Variants in FKBP5 observed in about 807,000 individuals in gnomAD.
The protein encoded by FKBP5 is peptidyl-prolyl cis-trans isomerase FKBP5.
In FKBP5, 23 loss-of-function variants were observed where a neutral mutation model predicts 50.5. The ratio of observed to expected loss-of-function variants is 0.46; its 90% CI spans 0.33 to 0.65. The LOEUF is 0.65. FKBP5 is among the 30% of genes least tolerant of loss of function. The probability of loss-of-function intolerance (pLI) is 0.02; values close to 1 mark genes in which losing one functional copy is unlikely to be tolerated. For missense variants in FKBP5, 411 were observed against 553.1 expected (o/e 0.74, Z 2.58); for synonymous variants, 176 against 190.6 (o/e 0.92, Z 0.63).
chr6:35,707,226 T>TTTC (rs1207397803), intron 2 of FKBP5, among the ~76,000 whole-genome samples: 2 of 149,386 alleles, frequency 1.3e-5, no homozygotes, highest in Non-Finnish European at 3.0e-5. Context: ...TTTTTTTTTT[T>TTTC]TTTTTTTGAG....
At chr6:35,692,442 C>T (rs1236894218), upstream of FKBP5, among the ~76,000 whole-genome samples, 3 of 152,190 alleles carry the variant, frequency 2.0e-5, no homozygotes, top group Admixed American at 2.0e-4. Flanking sequence ...CAACTACTAC[C>T]GAGCTACCTT....
At position 35,724,218 on chromosome 6, in the gene FKBP5, C is replaced by A. The variant is rs139075369; in HGVS notation, c.-240-3670G>T. Among the ~76,000 whole-genome samples the A allele has an allele frequency of 2.2e-3, 338 of 152,256 alleles. 1 individual carries two copies. The highest frequency in any genetic ancestry group is 0.01 in the Middle Eastern group (3 of 294). ...CAGAGCCCTGGAACCCAGGCTCAGC[C>A]CCTGGTTTTTGGATCCCAGAGCCAA... is the stretch of plus-strand genomic sequence containing the variant. On this transcript the variant is annotated intron_variant, in intron 1 of 11. Coordinates refer to the FKBP5 transcript ENST00000536438.
chr6:35,578,885 A>C (rs1762321046), intron 9 of FKBP5, among the ~76,000 whole-genome samples: 1 of 152,180 alleles, frequency 6.6e-6, no homozygotes. Context: ...AATGTAGTCA[A>C]GGCTGTGCTG....
At chr6:35,713,101 A>AAAAAAAG (rs1766443576) in intron 2 of FKBP5, among the ~76,000 whole-genome samples, 1 of 149,198 alleles carries the variant, frequency 6.7e-6, no homozygotes, top group African/African-American at 2.5e-5. Flanking sequence ...AAAAAAAAAA[A>AAAAAAAG]AAGAAGAAGA....
intron 2 of FKBP5, among the ~76,000 whole-genome samples, chr6:35,715,689 C>T (rs760039503): frequency 6.6e-6 from 1 of 152,174 alleles, no homozygotes; most frequent in African/African-American, 2.4e-5. Flanking sequence ...GGGCAGGCTG[C>T]GAGTTGCATG....
intron 3 of FKBP5, among the ~76,000 whole-genome samples, chr6:35,623,190 C>T (rs981397162): frequency 6.6e-6 from 1 of 152,072 alleles, no homozygotes; most frequent in African/African-American, 2.4e-5. Flanking sequence ...TTCGGTGAGC[C>T]GAGATAGCGC....
At chr6:35,725,967 A>G (rs978464879) in intron 1 of FKBP5, among the ~76,000 whole-genome samples, 117 of 152,246 alleles carry the variant, frequency 7.7e-4, no homozygotes, top group African/African-American at 2.4e-3. Flanking sequence ...GAAACCTACC[A>G]TCCCTGCTCA....
At chr6:35,697,308 G>A (rs1766097550) in intron 2 of FKBP5, among the ~76,000 whole-genome samples, 1 of 152,228 alleles carries the variant, frequency 6.6e-6, no homozygotes, top group African/African-American at 2.4e-5. Context: ...AGCACTTTGG[G>A]AGGCCGAGGC....
chr6:35,606,283 C>T (rs571747284), intron 5 of FKBP5, among the ~76,000 whole-genome samples: 91 of 152,068 alleles, frequency 6.0e-4, no homozygotes, highest in Middle Eastern at 3.4e-3. Context: ...GAAAAAATGC[C>T]GAACATCACT....
chr6:35,607,791 G>A (rs548037871), intron 5 of FKBP5: 2 of 223,228 alleles, frequency 9.0e-6, no homozygotes, highest in Non-Finnish European at 2.0e-5. Context: ...CCATACGAGC[G>A]GTGCACCATG....
At chr6:35,662,052 T>C (rs1476693289) in intron 1 of FKBP5, among the ~76,000 whole-genome samples, 3 of 152,158 alleles carry the variant, frequency 2.0e-5, no homozygotes, top group African/African-American at 4.8e-5. Context: ...TTTGTTACTT[T>C]CTCTTTTTTA....
intron 3 of FKBP5, 102 bp downstream of exon 3, chr6:35,636,911 CT>C: frequency 8.8e-7 from 1 of 1,132,130 alleles, no homozygotes; most frequent in Non-Finnish European, 1.2e-6. Context: ...TACTACTACT[CT>C]AAAATTTCTT....
In FKBP5 at chr6:35,586,020, C is replaced by A. The variant is rs151049717; in HGVS notation, c.840+1014G>T. 4.1e-6 allele frequency: 4 copies of A among 985,326 alleles called. No homozygotes were observed. In the East Asian group the frequency reaches 4.5e-4, roughly 112 times the overall value. The allele number at this position is 985,326 out of a possible 1,614,324, so 61.0% of individuals were successfully genotyped here. A position where few individuals can be genotyped will look rare whatever the true frequency, so the allele number is the denominator to read the frequency against. On this transcript the variant is annotated intron_variant, in intron 8 of 10. Transcript: ENST00000357266. ...AAAGACTTGTTAAAGTACACTTATG[C>A]CTCACTGCTTTATACTGCTGAAAAA... is the stretch of plus-strand genomic sequence containing the variant.
At chr6:35,623,221 G>A (rs1056796019) in intron 3 of FKBP5, among the ~76,000 whole-genome samples, 1 of 152,224 alleles carries the variant, frequency 6.6e-6, no homozygotes, top group Non-Finnish European at 1.5e-5. Context: ...CAGCCTGGGC[G>A]AAAGAGCGAG....
At chr6:35,710,456 G>C (rs1766394035) in intron 2 of FKBP5, among the ~76,000 whole-genome samples, 1 of 151,052 alleles carries the variant, frequency 6.6e-6, no homozygotes, top group Non-Finnish European at 1.5e-5. Flanking sequence ...TACAGAGTGA[G>C]ATCTTGTCTC....
rs1764647924 is a variant in FKBP5 at position 35,646,981 on chromosome 6, C to T, written c.-19-4138G>A. The stretch of plus-strand genomic sequence containing the variant: ...ATTTTAAAGCCATATCTACCAATTC[C>T]CTATGTATATTATGTAAATTACTGT... On this transcript the variant is annotated intron_variant, in intron 1 of 10. Transcript: ENST00000357266. 2.0e-5 allele frequency among the ~76,000 whole-genome samples: 3 copies of T among 152,174 alleles called. 1 individual carries two copies. In the South Asian group the frequency reaches 6.2e-4, roughly 31 times the overall value.
chr6:35,638,247 T>A (rs922512605), intron 2 of FKBP5, among the ~76,000 whole-genome samples: 7 of 152,220 alleles, frequency 4.6e-5, no homozygotes, highest in African/African-American at 1.4e-4. Context: ...GTAGCTAACA[T>A]CTGATGAACA....
chr6:35,616,314 C>CAAAAAAAAAAA (rs34779549), intron 5 of FKBP5, among the ~76,000 whole-genome samples: 25 of 57,470 alleles, frequency 4.4e-4, no homozygotes, highest in Non-Finnish European at 5.3e-4. Context: ...GACTCCATCT[C>CAAAAAAAAAAA]AAAAAAAAAA....
At chr6:35,627,492 G>T (rs1261281427) in intron 3 of FKBP5, among the ~76,000 whole-genome samples, 1 of 152,038 alleles carries the variant, frequency 6.6e-6, no homozygotes, top group African/African-American at 2.4e-5. Flanking sequence ...TGAGTTATAG[G>T]AGTTGTTTGT....
Sources: gnomAD v4.1 joint callset for allele counts (sites outside exome capture counted in the v4.1 genomes callset) on GRCh38, gnomAD v4.1.1 for gene constraint, MANE v1.5 for transcripts, NCBI Gene and HGNC (gene_info 2026-07-23, HGNC 2026-07-21) for gene names.